Variants in KDM4C observed in about 807,000 individuals in gnomAD.
KDM4C encodes the protein lysine demethylase 4C, also known as lysine-specific demethylase 4C.
A neutral mutation model predicts 129.3 loss-of-function variants in KDM4C; 81 were observed. The observed-to-expected ratio is 0.63, with a 90% confidence interval of 0.52 to 0.75. The LOEUF (loss-of-function observed/expected upper bound fraction) is 0.75. Ranked by LOEUF, KDM4C falls within the 30% of genes least tolerant of loss-of-function variation. The pLI, the probability that KDM4C is intolerant of heterozygous loss-of-function variation, is 0.00. For missense variants in KDM4C, 1,457 were observed against 1,304.0 expected (o/e 1.12, Z -1.81); for synonymous variants, 573 against 456.1 (o/e 1.26, Z -3.26).
At chr9:6,771,383 C>T (rs778375749) in intron 1 of KDM4C, among the ~76,000 whole-genome samples, 1 of 151,996 alleles carries the variant, frequency 6.6e-6, no homozygotes, top group Non-Finnish European at 1.5e-5. Flanking sequence ...ACGATCTCAG[C>T]CCATTGTAAT....
At chr9:6,903,817 C>T (rs1224483480) in intron 8 of KDM4C, among the ~76,000 whole-genome samples, 1 of 152,158 alleles carries the variant, frequency 6.6e-6, no homozygotes, top group African/African-American at 2.4e-5. Context: ...AGGTAAAAAA[C>T]TGTTAACAGT....
chr9:7,143,388 G>T (rs892734819), intron 19 of KDM4C, among the ~76,000 whole-genome samples: 3 of 152,160 alleles, frequency 2.0e-5, no homozygotes, highest in African/African-American at 7.2e-5. Context: ...TTCAAATGAA[G>T]ACTAATATCT....
At chr9:6,982,491 CAT>C (rs1491188825) in intron 9 of KDM4C, 2 of 152,144 alleles carry the variant, frequency 1.3e-5, no homozygotes, top group African/African-American at 2.4e-5. Context: ...TCACTCATGA[CAT>C]GTGTGAGTAT....
chr9:6,919,545 GTCTATCTATCTATCTA>G (rs1029513535), intron 8 of KDM4C, among the ~76,000 whole-genome samples: 13 of 79,360 alleles, frequency 1.6e-4, no homozygotes, highest in African/African-American at 5.1e-4. Context: ...CTGTCTGTCT[GTCTATCTATCTATCTA>G]TCTATCTATC....
In KDM4C at chr9:6,902,325, A is replaced by C. The variant is rs537962411; in HGVS notation, c.921+9093A>C. ...GGAGGAAGGGAGAGTGTTGGAAAAG[A>C]AATAGAGTAGATGTTAAAGATAGGA... On this transcript the variant is annotated intron_variant, in intron 8 of 21. Transcript: ENST00000381309. Among the ~76,000 whole-genome samples the C allele has an allele frequency of 2.1e-3, 325 of 152,276 alleles. 1 individual carries two copies. Among genetic ancestry groups the C allele is most frequent in the Non-Finnish European group, 3.7e-3 (254 of 68,012 alleles).
chr9:6,794,643 T>C (rs966183839), intron 2 of KDM4C, among the ~76,000 whole-genome samples: 3 of 152,162 alleles, frequency 2.0e-5, no homozygotes, highest in Non-Finnish European at 1.5e-5. Flanking sequence ...GAAGAGCCAA[T>C]GGTGACCCAG....
chr9:6,965,114 A>G (rs1352237522), intron 8 of KDM4C, among the ~76,000 whole-genome samples: 5 of 152,106 alleles, frequency 3.3e-5, no homozygotes, highest in East Asian at 1.9e-4. Flanking sequence ...TTTGTTTCCC[A>G]TTACTCTTTC....
At chr9:6,779,518 C>A (rs1026734951) in intron 1 of KDM4C, among the ~76,000 whole-genome samples, 1 of 152,154 alleles carries the variant, frequency 6.6e-6, no homozygotes, top group Non-Finnish European at 1.5e-5. Context: ...ACAGCAACTT[C>A]CTGCTCCCCA....
chr9:6,778,176 G>A (rs943013790), intron 1 of KDM4C, among the ~76,000 whole-genome samples: 18 of 149,894 alleles, frequency 1.2e-4, no homozygotes, highest in Admixed American at 5.4e-4. Flanking sequence ...TGCAACCTCT[G>A]CCTCCTGGGT....
intron 17 of KDM4C, among the ~76,000 whole-genome samples, chr9:7,070,397 C>T (rs569878924): frequency 1.2e-4 from 18 of 152,094 alleles, no homozygotes; most frequent in African/African-American, 4.3e-4. Flanking sequence ...TGCATAGGGC[C>T]AGCATAACCC....
intron 1 of KDM4C, among the ~76,000 whole-genome samples, chr9:6,740,487 GC>G (rs1428689202): frequency 6.6e-6 from 1 of 151,926 alleles, no homozygotes; most frequent in Non-Finnish European, 1.5e-5. Context: ...ACAGGCGTGA[GC>G]CACTGCGCCT....
At chr9:7,097,472 C>G (rs964308850) in intron 17 of KDM4C, among the ~76,000 whole-genome samples, 1 of 152,200 alleles carries the variant, frequency 6.6e-6, no homozygotes, top group Non-Finnish European at 1.5e-5. Flanking sequence ...TGCCTACACT[C>G]TCCTGCCACA....
chr9:7,144,635 A>G (rs1404759551), intron 19 of KDM4C, among the ~76,000 whole-genome samples: 2 of 152,204 alleles, frequency 1.3e-5, no homozygotes, highest in Non-Finnish European at 2.9e-5. Context: ...TGGCCCCACC[A>G]TTCCACTCAT....
intron 8 of KDM4C, among the ~76,000 whole-genome samples, chr9:6,919,222 C>CTTTTT: frequency 9.3e-6 from 1 of 107,562 alleles, no homozygotes; most frequent in South Asian, 3.0e-4. Flanking sequence ...TTTTCTTTTT[C>CTTTTT]CTTCTTTCTT....
intron 12 of KDM4C, among the ~76,000 whole-genome samples, chr9:7,011,464 A>C (rs943771892): frequency 3.3e-5 from 5 of 152,164 alleles, no homozygotes; most frequent in African/African-American, 1.2e-4. Flanking sequence ...GGAGGGTTAC[A>C]AAATGAGGGT....
At chr9:7,047,953 A>G (rs1030499469) in intron 16 of KDM4C, among the ~76,000 whole-genome samples, 1 of 152,024 alleles carries the variant, frequency 6.6e-6, no homozygotes, top group Admixed American at 6.6e-5. Flanking sequence ...TTACATGTGC[A>G]CATGTTTCTG....
At chr9:6,858,088 T>G (rs1299686940) in intron 5 of KDM4C, among the ~76,000 whole-genome samples, 1 of 152,108 alleles carries the variant, frequency 6.6e-6, no homozygotes, top group East Asian at 1.9e-4. Context: ...CCCAAAGTCC[T>G]GGATTACAGG....
intron 1 of KDM4C, among the ~76,000 whole-genome samples, chr9:6,778,092 CTTTTTT>C (rs760255723): frequency 2.3e-5 from 3 of 131,846 alleles, no homozygotes; most frequent in Non-Finnish European, 4.9e-5. Flanking sequence ...CTAATTTTTT[CTTTTTT>C]TTTTTTTTTG....
chr9:7,050,291 T>A (rs1195027853), intron 17 of KDM4C, among the ~76,000 whole-genome samples: 3 of 151,408 alleles, frequency 2.0e-5, no homozygotes, highest in Non-Finnish European at 2.9e-5. Flanking sequence ...CATGTGGTAG[T>A]TGGAAGTTTT....
Sources: gnomAD v4.1 joint callset for allele counts (sites outside exome capture counted in the v4.1 genomes callset) on GRCh38, gnomAD v4.1.1 for gene constraint, MANE v1.5 for transcripts, NCBI Gene and HGNC (gene_info 2026-07-23, HGNC 2026-07-21) for gene names.